TCF25: variants seen among roughly 807,000 people sequenced by gnomAD.
TCF25 encodes the protein ribosome quality control complex subunit TCF25.
A neutral mutation model predicts 83.1 loss-of-function variants in TCF25; 41 were observed. That is an observed-to-expected ratio of 0.49 (90% CI 0.38 to 0.64). TCF25 has a LOEUF of 0.64. Ranked by LOEUF, TCF25 falls within the 30% of genes least tolerant of loss-of-function variation. The pLI is 0.00. For synonymous variants in TCF25, 458 were observed against 365.0 expected (o/e 1.25, Z -2.90); for missense variants, 979 against 914.5 (o/e 1.07, Z -0.91).
At chr16:89,883,788 C>T (rs927260629) in intron 2 of TCF25, 28 of 367,052 alleles carry the variant, frequency 7.6e-5, no homozygotes, top group Non-Finnish European at 1.2e-4. Context: ...CAACCGCGCA[C>T]GTGTGTCCCT....
intron 9 of TCF25, 64 bp downstream of exon 9, chr16:89,896,147 G>T: frequency 1.3e-6 from 2 of 1,533,552 alleles, no homozygotes; most frequent in South Asian, 1.2e-5. Flanking sequence ...TGAGGCTGGG[G>T]GAGGTGCAGT....
chr16:89,896,991 C>T lies in TCF25; in HGVS notation c.1022+908C>T, dbSNP rs2043909766. Among the ~76,000 whole-genome samples the T allele has an allele frequency of 2.0e-5, 3 of 151,398 alleles. No individual in the cohort carries two copies. In the South Asian group the frequency reaches 6.2e-4, roughly 31 times the overall value. Reference sequence around the variant, plus strand: ...GCAGTGAGCTGAGATGGTACCAGTGCACTCCAGCCTGGGCAGCAGAGTGAG... The same window carrying T: ...GCAGTGAGCTGAGATGGTACCAGTGTACTCCAGCCTGGGCAGCAGAGTGAG... On this transcript the variant is annotated intron_variant, in intron 9 of 17. Transcript: ENST00000263346.
chr16:89,899,081 A>G (rs1271553802), intron 11 of TCF25, among the ~76,000 whole-genome samples: 1 of 152,172 alleles, frequency 6.6e-6, no homozygotes, highest in African/African-American at 2.4e-5. Context: ...CAGCAGCCTT[A>G]TGTCAGAATC....
intron 13 of TCF25, 110 bp downstream of exon 13, chr16:89,904,315 G>T (rs1225169856): frequency 7.1e-6 from 9 of 1,267,074 alleles, no homozygotes; most frequent in Non-Finnish European, 9.0e-6. Flanking sequence ...AGCAGCAGGA[G>T]GGGCTGTGGT....
Position 89,906,195 on chromosome 16 carries a change from C to T in TCF25, c.1630C>T (p.Arg544Trp), listed in dbSNP as rs774624089. The T allele has an allele frequency of 1.9e-5, 30 of 1,612,922 alleles. No individual in the cohort carries two copies. Among genetic ancestry groups the T allele is most frequent in the African/African-American group, 5.3e-5 (4 of 74,916 alleles). ...DPAVEACENR[R>W]KVLYQRAPRN... ...TGCCTTGTTTCTCCCCGGCCCTAGG[C>T]GGAAGGTGCTCTACCAGCGTGCACC... The change falls in exon 15 of 18, where the codon CGG becomes TGG. Residue 544 changes from arginine to tryptophan, a missense_variant and splice_region_variant. Physicochemically the swap from Arg to Trp is moderately radical, Grantham distance 101. Transcript: ENST00000263346.
rs768150645 is a variant in TCF25 at position 89,873,819 on chromosome 16, C to T, written c.152C>T (p.Ala51Val). Residue 51 changes from alanine to valine, a missense_variant, in exon 1 of 18, where the codon GCA (alanine) becomes GTA (valine). By Grantham distance (64) the Ala-to-Val change is moderately conservative. Transcript: ENST00000263346. ...RELGVRRPGGAGKEGVRVNNR... is the reference protein window; with the variant it reads ...RELGVRRPGGVGKEGVRVNNR... ...CTTGGTGTCCGGCGTCCCGGGGGCG[C>T]AGGGAAGGAGGGCGTCCGAGTCAAC... 18 of 1,586,368 alleles carry T rather than the reference C, an allele frequency of 1.1e-5. No homozygotes were observed. In the African/African-American group the frequency reaches 2.2e-4, roughly 20 times the overall value.
intron 2 of TCF25, 52 bp from the exon 3 acceptor site, chr16:89,884,530 T>G (rs2042838124): frequency 6.3e-7 from 1 of 1,592,816 alleles, no homozygotes. Context: ...TAATTCTCAC[T>G]TCTTAAGATT....
intron 5 of TCF25, among the ~76,000 whole-genome samples, chr16:89,891,487 G>T (rs1200124488): frequency 6.6e-6 from 1 of 152,242 alleles, no homozygotes; most frequent in Non-Finnish European, 1.5e-5. Flanking sequence ...GGCTGCTGCT[G>T]TCTGTGCTGC....
rs567097701 is a variant in TCF25, at chr16:89,900,400, C to T, written c.1222-235C>T. Reference sequence around the variant, plus strand: ...CTCACTCCCCACGGTGTCCTCGCTCCGGCTCAGTCTACTTCTCAGGCCCTC... The same window carrying T: ...CTCACTCCCCACGGTGTCCTCGCTCTGGCTCAGTCTACTTCTCAGGCCCTC... On this transcript the variant is annotated intron_variant, in intron 11 of 17. Coordinates refer to ENST00000263346, the MANE Select transcript of TCF25 (RefSeq NM_014972.3). Among the ~76,000 whole-genome samples, 8 of 152,286 alleles carry T rather than the reference C, an allele frequency of 5.3e-5. No homozygotes were observed. In the South Asian group the frequency reaches 8.3e-4, roughly 16 times the overall value.
chr16:89,882,802 G>C (rs1443096963), intron 1 of TCF25, among the ~76,000 whole-genome samples: 1 of 152,162 alleles, frequency 6.6e-6, no homozygotes, highest in African/African-American at 2.4e-5. Context: ...GGCCAGGCTG[G>C]TCTTGAACTC....
At chr16:89,902,499 C>T (rs1406642144) in intron 12 of TCF25, among the ~76,000 whole-genome samples, 1 of 136,778 alleles carries the variant, frequency 7.3e-6, no homozygotes, top group African/African-American at 2.6e-5. Context: ...ACCATCCTGA[C>T]TAACACGGTG....
At chr16:89,874,096 A>G (rs1305209972) in intron 1 of TCF25, among the ~76,000 whole-genome samples, 3 of 15,014 alleles carry the variant, frequency 2.0e-4, no homozygotes, top group Admixed American at 1.0e-3. Flanking sequence ...AACCCCGGTG[A>G]GGTGGGCGGG....
Position 89,900,762 on chromosome 16 carries a change from T to C in TCF25, c.1349T>C (p.Leu450Pro). The C allele has an allele frequency of 6.3e-7, 1 of 1,592,898 alleles. No individual in the cohort carries two copies. The highest frequency in any genetic ancestry group is 8.6e-7 in the Non-Finnish European group (1 of 1,162,290). ...TCTGCCAGGCAGAAGGCCTCTCTCC[T>C]GATACAGCAGGCGCTCACCATGTTC... is the stretch of plus-strand genomic sequence containing the variant. ...QSSARQKASL[L>P]IQQALTMFPG... Residue 450 changes from leucine (L) to proline (P), a missense_variant, in exon 12 of 18, where the codon CTG becomes CCG. Coordinates refer to ENST00000263346, the MANE Select transcript of TCF25 (RefSeq NM_014972.3).
intron 1 of TCF25, 66 bp downstream of exon 1, chr16:89,873,925 C>T (rs2041947392): frequency 2.1e-6 from 3 of 1,443,414 alleles, no homozygotes; most frequent in African/African-American, 3.0e-5. Context: ...GGGCGAGCGT[C>T]CAGCCGGGTC....
intron 7 of TCF25, among the ~76,000 whole-genome samples, chr16:89,894,627 G>T (rs1273206793): frequency 6.6e-6 from 1 of 152,168 alleles, no homozygotes; most frequent in Non-Finnish European, 1.5e-5. Flanking sequence ...TTTTGAGTTG[G>T]GGGGACGTTG....
chr16:89,899,277 T>C (rs998574520), intron 11 of TCF25, among the ~76,000 whole-genome samples: 1 of 152,192 alleles, frequency 6.6e-6, no homozygotes, highest in Non-Finnish European at 1.5e-5. Context: ...CCCCAGCACG[T>C]CTGTCCTGTT....
At chr16:89,904,287 C>G in intron 13 of TCF25, 82 bp downstream of exon 13, 2 of 1,426,190 alleles carry the variant, frequency 1.4e-6, no homozygotes, top group Non-Finnish European at 1.9e-6. Context: ...CCTGAGAGGC[C>G]CTGAGGGACC....
At chr16:89,895,682 C>T (rs1458686449) in intron 8 of TCF25, among the ~76,000 whole-genome samples, 1 of 152,262 alleles carries the variant, frequency 6.6e-6, no homozygotes, top group African/African-American at 2.4e-5. Flanking sequence ...CTTACGTCAG[C>T]ATGCACACGC....
intron 5 of TCF25, among the ~76,000 whole-genome samples, chr16:89,888,303 C>G (rs759554488): frequency 1.9e-4 from 29 of 149,198 alleles, no homozygotes; most frequent in Non-Finnish European, 3.4e-4. Flanking sequence ...TTTTAAGATT[C>G]TAGTTTTGTC....
Sources: allele counts gnomAD v4.1 joint callset (sites outside exome capture counted in the v4.1 genomes callset), GRCh38; gene constraint gnomAD v4.1.1; transcripts MANE v1.5; gene names NCBI Gene and HGNC (gene_info 2026-07-23, HGNC 2026-07-21).